Variants in KIRREL1 observed in about 807,000 individuals in gnomAD.
KIRREL1 encodes kirre like nephrin family adhesion molecule 1, also known as kin of IRRE-like protein 1.
KIRREL1 carries 25 observed loss-of-function variants against 83.3 expected under a neutral mutation model. The observed-to-expected ratio is 0.30, with a 90% CI of 0.22 to 0.42. The LOEUF (loss-of-function observed/expected upper bound fraction) is 0.42, where lower values mean the gene tolerates loss of function less well. Ranked by LOEUF, KIRREL1 falls within the 10% of genes least tolerant of loss-of-function variation. The pLI, the probability that KIRREL1 is intolerant of heterozygous loss-of-function variation, is 1.00. For synonymous variants in KIRREL1, 388 were observed against 410.4 expected, an observed-to-expected ratio of 0.95 and a Z score of 0.66; for missense variants, 812 against 1,032.3, an observed-to-expected ratio of 0.79 and a Z score of 2.92.
In KIRREL1 at chr1:158,050,162, C is replaced by A. The variant is rs976806204; in HGVS notation, c.53-25951C>A. On this transcript the variant is annotated intron_variant, in intron 1 of 14. Coordinates refer to ENST00000359209, the MANE Select transcript of KIRREL1 (RefSeq NM_018240.7). Reference sequence around the variant, plus strand: ...ATCTACAACATTTGGCGAGGAATTTCTGGGTTCCAGGGACTACAGCACTTC... The same window carrying A: ...ATCTACAACATTTGGCGAGGAATTTATGGGTTCCAGGGACTACAGCACTTC... 4.6e-5 allele frequency among the ~76,000 whole-genome samples: 7 copies of A among 152,258 alleles called. No individual in the cohort carries two copies. In the East Asian group the frequency reaches 9.7e-4, roughly 21 times the overall value.
chr1:158,041,015 G>A (rs1482265147), intron 1 of KIRREL1, among the ~76,000 whole-genome samples: 2 of 152,150 alleles, frequency 1.3e-5, no homozygotes, highest in Non-Finnish European at 2.9e-5. Context: ...GAGAGAGCAG[G>A]TAGATGTGCA....
Position 158,095,195 on chromosome 1 carries a change from G to A in KIRREL1, c.*75G>A. ...CACAGCTGTTCCCTGATATTCAGGG[G>A]CATTGCTCATTGCTCCCTTCTCGGA... On this transcript the variant is annotated 3_prime_UTR_variant, in exon 15 of 15. Coordinates refer to ENST00000359209, the MANE Select transcript of KIRREL1 (RefSeq NM_018240.7). 6 of 1,075,516 alleles carry A rather than the reference G, an allele frequency of 5.6e-6. No homozygotes were observed. Among genetic ancestry groups the A allele is most frequent in the Non-Finnish European group, 8.0e-6 (6 of 751,284 alleles). The allele number at this position is 1,075,516 out of a possible 1,614,324, so 66.6% of individuals were successfully genotyped here.
At chr1:158,047,774 A>T (rs1000002875) in intron 1 of KIRREL1, among the ~76,000 whole-genome samples, 2 of 151,644 alleles carry the variant, frequency 1.3e-5, no homozygotes, top group African/African-American at 2.4e-5. Context: ...CAATGAACAC[A>T]CCCTCCCAGA....
At chr1:158,037,385 C>T (rs1486060588) in intron 1 of KIRREL1, among the ~76,000 whole-genome samples, 2 of 149,616 alleles carry the variant, frequency 1.3e-5, no homozygotes, top group Non-Finnish European at 3.0e-5. Flanking sequence ...CCCAGCTGCT[C>T]GGGAGGCTGA....
intron 1 of KIRREL1, among the ~76,000 whole-genome samples, chr1:158,059,714 G>A (rs1354806524): frequency 1.3e-5 from 2 of 152,114 alleles, no homozygotes; most frequent in Non-Finnish European, 2.9e-5. Flanking sequence ...GCTCAGGCTT[G>A]AAGCAGCGAT....
At position 158,095,024 on chromosome 1, in the gene KIRREL1, C is replaced by T. The variant is rs555618259; in HGVS notation, c.2178C>T (p.Pro726=). 4 of 1,613,952 alleles carry T rather than the reference C, an allele frequency of 2.5e-6. No homozygotes were observed. Among genetic ancestry groups the T allele is most frequent in the Non-Finnish European group, 3.4e-6 (4 of 1,179,894 alleles). Residue 726 remains proline, a synonymous_variant, in exon 15 of 15, where the codon CCC becomes CCT. Coordinates refer to ENST00000359209, the MANE Select transcript of KIRREL1 (RefSeq NM_018240.7). ...GGACCCCATATGAGGCGTATGACCC[C>T]ATTGGCAAGTACGCCACAGCCACTC... The part of the protein sequence containing the change: ...LERTPYEAYD[P]IGKYATATRF...
intron 8 of KIRREL1, among the ~76,000 whole-genome samples, chr1:158,088,989 A>G (rs1662108921): frequency 6.9e-6 from 1 of 143,968 alleles, no homozygotes; most frequent in Non-Finnish European, 1.5e-5. Flanking sequence ...CACGGGAAGC[A>G]GGGTGGGGTG....
chr1:158,082,135 G>A (rs1284484702), intron 3 of KIRREL1, among the ~76,000 whole-genome samples: 1 of 152,198 alleles, frequency 6.6e-6, no homozygotes. Context: ...CAAGGAGGAA[G>A]AGCCAGGGAT....
At chr1:158,053,882 T>G (rs1467802292) in intron 1 of KIRREL1, among the ~76,000 whole-genome samples, 2 of 152,000 alleles carry the variant, frequency 1.3e-5, no homozygotes, top group African/African-American at 4.8e-5. Context: ...GTTCTTCCAG[T>G]TTTTGCTGGA....
chr1:158,047,668 G>A (rs1215657391), intron 1 of KIRREL1, among the ~76,000 whole-genome samples: 2 of 152,102 alleles, frequency 1.3e-5, no homozygotes, highest in Non-Finnish European at 2.9e-5. Flanking sequence ...TTCTAGTTGG[G>A]TTAACCAAGG....
At chr1:158,086,004 C>A (rs756394090) in intron 4 of KIRREL1, among the ~76,000 whole-genome samples, 27 of 152,288 alleles carry the variant, frequency 1.8e-4, no homozygotes, top group African/African-American at 6.3e-4. Context: ...GAGGGCTGGG[C>A]TGGCTGAAGA....
At chr1:158,089,388 G>A in intron 8 of KIRREL1, 114 bp from the exon 9 acceptor site, 1 of 1,534,008 alleles carries the variant, frequency 6.5e-7, no homozygotes, top group Non-Finnish European at 8.8e-7. Flanking sequence ...TCCCTTCTGG[G>A]AATTCACTTG....
chr1:158,093,490 TC>T, intron 12 of KIRREL1, 44 bp downstream of exon 12: 1 of 1,601,482 alleles, frequency 6.2e-7, no homozygotes. Context: ...CCCTGGCTCT[TC>T]CAGGGCCATG....
intron 1 of KIRREL1, among the ~76,000 whole-genome samples, chr1:158,030,258 A>G (rs1018039663): frequency 6.6e-6 from 1 of 152,266 alleles, no homozygotes; most frequent in Non-Finnish European, 1.5e-5. Context: ...CTTTGGGACC[A>G]TAAACTCTTT....
rs1380218032 is a variant in KIRREL1, at chr1:158,093,455, G to A, written c.1579+9G>A. 2 of 1,612,846 alleles carry A rather than the reference G, an allele frequency of 1.2e-6. No individual in the cohort carries two copies. The highest frequency in any genetic ancestry group is 1.7e-6 in the Non-Finnish European group (2 of 1,178,804). On this transcript the variant is annotated intron_variant, in intron 12 of 14. Coordinates refer to ENST00000359209, the MANE Select transcript of KIRREL1 (RefSeq NM_018240.7). ...CCGGCGCCGCAAAGGCAGTGAGTAT[G>A]GGCCCTGTGCAGCCCACAGCCTTCC...
chr1:158,064,183 GA>G (rs1470652102), intron 1 of KIRREL1, among the ~76,000 whole-genome samples: 7 of 152,100 alleles, frequency 4.6e-5, no homozygotes, highest in Non-Finnish European at 8.8e-5. Flanking sequence ...TATTCGTCTG[GA>G]AAAGGAGCCA....
chr1:158,006,091 A>G (rs941142898), intron 1 of KIRREL1, among the ~76,000 whole-genome samples: 2 of 152,232 alleles, frequency 1.3e-5, no homozygotes, highest in African/African-American at 2.4e-5. Context: ...GGCGAGATCA[A>G]TAGATTGGGC....
chr1:158,017,714 A>T (rs1407705145), intron 1 of KIRREL1, among the ~76,000 whole-genome samples: 1 of 151,802 alleles, frequency 6.6e-6, no homozygotes, highest in African/African-American at 2.4e-5. Context: ...ATAATAAAAA[A>T]TAAATTTCTG....
At chr1:158,084,348 AGAGGCAG>A in intron 3 of KIRREL1, 67 bp from the exon 4 acceptor site, 1 of 1,419,780 alleles carries the variant, frequency 7.0e-7, no homozygotes, top group African/African-American at 1.4e-5. Flanking sequence ...GGATGCTTCC[AGAGGCAG>A]GAGTTTTGGT....
Sources: gnomAD v4.1 joint callset for allele counts (sites outside exome capture counted in the v4.1 genomes callset) on GRCh38, gnomAD v4.1.1 for gene constraint, MANE v1.5 for transcripts, NCBI Gene and HGNC (gene_info 2026-07-23, HGNC 2026-07-21) for gene names.